The following ME1 variants were observed in gnomAD, a reference collection of about 807,000 sequenced individuals.
The protein encoded by ME1 is malic enzyme 1.
A neutral mutation model predicts 66.4 loss-of-function variants in ME1; 74 were observed. The observed-to-expected ratio is 1.11, with a 90% confidence interval of 0.92 to 1.35. The LOEUF (loss-of-function observed/expected upper bound fraction) is 1.35, where lower values mean the gene tolerates loss of function less well. ME1 is among the 40% of genes most tolerant of loss of function. The pLI, the probability that ME1 is intolerant of heterozygous loss-of-function variation, is 0.00. For synonymous variants in ME1, 251 were observed against 235.6 expected (o/e 1.07, Z -0.60); for missense variants, 750 against 694.1 (o/e 1.08, Z -0.90).
At chr6:83,328,513 T>C (rs533010131) in intron 5 of ME1, among the ~76,000 whole-genome samples, 4 of 152,322 alleles carry the variant, frequency 2.6e-5, no homozygotes, top group African/African-American at 9.6e-5. Flanking sequence ...TTAGTTTTTT[T>C]AATTTCATAA....
chr6:83,221,897 A>G (rs946701662), intron 12 of ME1, among the ~76,000 whole-genome samples: 2 of 152,242 alleles, frequency 1.3e-5, no homozygotes, highest in African/African-American at 4.8e-5. Flanking sequence ...TTGAAGCCTA[A>G]GAGAAAACCA....
At chr6:83,225,016 A>G (rs1790164035) in intron 11 of ME1, among the ~76,000 whole-genome samples, 1 of 151,786 alleles carries the variant, frequency 6.6e-6, no homozygotes, top group South Asian at 2.1e-4. Flanking sequence ...AGCCTGGCCA[A>G]CATGGTGAAA....
At chr6:83,366,502 G>T (rs961644094) in intron 3 of ME1, among the ~76,000 whole-genome samples, 1 of 152,098 alleles carries the variant, frequency 6.6e-6, no homozygotes, top group Non-Finnish European at 1.5e-5. Context: ...GAAGGAAACA[G>T]GGAGAAACAG....
intron 3 of ME1, among the ~76,000 whole-genome samples, chr6:83,353,530 G>A (rs182403822): frequency 6.6e-6 from 1 of 152,046 alleles, no homozygotes; most frequent in African/African-American, 2.4e-5. Flanking sequence ...TTTCTTCAGA[G>A]GTTTCCACTT....
intron 3 of ME1, among the ~76,000 whole-genome samples, chr6:83,365,155 C>T (rs1181448251): frequency 1.3e-5 from 2 of 152,114 alleles, no homozygotes; most frequent in East Asian, 1.9e-4. Context: ...TGCAGCGGCA[C>T]GATGTTGGCT....
intron 7 of ME1, among the ~76,000 whole-genome samples, chr6:83,241,025 A>G (rs1276832593): frequency 6.6e-6 from 1 of 152,162 alleles, no homozygotes; most frequent in Non-Finnish European, 1.5e-5. Context: ...TCTATACATT[A>G]CTTAAGGTGA....
intron 9 of ME1, among the ~76,000 whole-genome samples, chr6:83,232,824 T>A (rs1583330885): frequency 6.6e-6 from 1 of 152,286 alleles, no homozygotes; most frequent in Non-Finnish European, 1.5e-5. Flanking sequence ...ACTACCTTTA[T>A]AACATACAAT....
At chr6:83,314,694 T>C (rs933533516) in intron 6 of ME1, among the ~76,000 whole-genome samples, 4 of 152,220 alleles carry the variant, frequency 2.6e-5, no homozygotes, top group African/African-American at 9.7e-5. Flanking sequence ...TATTTCAAAA[T>C]CTGCATAAAC....
At chr6:83,347,211 C>G (rs932204604) in intron 4 of ME1, among the ~76,000 whole-genome samples, 3 of 152,152 alleles carry the variant, frequency 2.0e-5, no homozygotes, top group Non-Finnish European at 2.9e-5. Context: ...CTCAGCCTTC[C>G]AAAGTGCTGG....
rs1270918124 is a variant in ME1 at position 83,344,707 on chromosome 6, C to T, written c.600+1466G>A. On this transcript the variant is annotated intron_variant, in intron 5 of 13. Coordinates refer to ENST00000369705, the MANE Select transcript of ME1 (RefSeq NM_002395.6). Reference sequence around the variant, plus strand: ...GACCATCCTGGCTAACACGGTGAAACACCCTCTTTACTAAAAATACAAAAA... The same window carrying T: ...GACCATCCTGGCTAACACGGTGAAATACCCTCTTTACTAAAAATACAAAAA... Among the ~76,000 whole-genome samples, 9 of 151,726 alleles carry T rather than the reference C, an allele frequency of 5.9e-5. No homozygotes were observed. In the East Asian group the frequency reaches 1.8e-3, roughly 30 times the overall value.
chr6:83,298,393 C>T (rs1767641959), intron 6 of ME1, among the ~76,000 whole-genome samples: 2 of 151,874 alleles, frequency 1.3e-5, no homozygotes. Context: ...GTCCTTTGCC[C>T]ACTTTTTGAT....
intron 6 of ME1, among the ~76,000 whole-genome samples, chr6:83,276,590 A>G (rs954013051): frequency 6.6e-6 from 1 of 152,224 alleles, no homozygotes; most frequent in African/African-American, 2.4e-5. Context: ...TGCTCCATAC[A>G]ATGAAAACAA....
intron 12 of ME1, among the ~76,000 whole-genome samples, chr6:83,221,390 A>C (rs1002033059): frequency 1.3e-5 from 2 of 152,224 alleles, no homozygotes; most frequent in African/African-American, 4.8e-5. Flanking sequence ...ATCATTGGAG[A>C]ATAATTCTCA....
In ME1 at chr6:83,223,818, C is replaced by T. The variant is rs777067500; in HGVS notation, c.1391G>A (p.Gly464Asp). ...CTGCCTCAATCCACACGCCACAACA[C>T]CAAGAGCAACTCCAGGGAACACATA... ...NSYVFPGVAL[G>D]VVACGLRQIT... is the part of the protein sequence containing the mutation. The change falls in exon 12 of 14, where the codon GGT becomes GAT. Residue 464 changes from glycine to aspartate, a missense_variant. Transcript: ENST00000369705. 1 of 1,613,934 alleles carries T rather than the reference C, an allele frequency of 6.2e-7. No homozygotes were observed.
chr6:83,363,412 G>A (rs1309012050), intron 3 of ME1, among the ~76,000 whole-genome samples: 7 of 152,176 alleles, frequency 4.6e-5, no homozygotes, highest in Non-Finnish European at 7.3e-5. Context: ...CCACAATGGC[G>A]GTAAGGAAGA....
intron 3 of ME1, among the ~76,000 whole-genome samples, chr6:83,386,451 C>T (rs1769504035): frequency 6.6e-6 from 1 of 151,864 alleles, no homozygotes; most frequent in Admixed American, 6.6e-5. Flanking sequence ...TTCTGGTTCA[C>T]CTGGGCAGCT....
Position 83,212,042 on chromosome 6 carries a change from T to C in ME1, c.1601A>G (p.Gln534Arg). The change falls in exon 14 of 14, where the codon CAA (glutamine) becomes CGA (arginine). Residue 534 changes from glutamine to arginine, a missense_variant. Transcript: ENST00000369705. The part of the protein sequence containing the change: ...EKTATVYPEP[Q>R]NKEAFVRSQM... ...GGAGCGGACAAATGCTTCTTTGTTT[T>C]GCGGTTCAGGATAAACTGTGGCTGT... is the stretch of plus-strand genomic sequence containing the variant. 6.2e-7 allele frequency: 1 copy of C among 1,612,972 alleles called. No individual in the cohort carries two copies. The highest frequency in any genetic ancestry group is 1.1e-5 in the South Asian group (1 of 90,964).
At chr6:83,318,031 G>A (rs1206029943) in intron 5 of ME1, among the ~76,000 whole-genome samples, 1 of 152,078 alleles carries the variant, frequency 6.6e-6, no homozygotes, top group Non-Finnish European at 1.5e-5. Context: ...TGACAAACCT[G>A]AGAAAAACAA....
intron 6 of ME1, among the ~76,000 whole-genome samples, chr6:83,311,636 T>C (rs1373603883): frequency 6.6e-6 from 1 of 152,042 alleles, no homozygotes; most frequent in African/African-American, 2.4e-5. Flanking sequence ...ATAAGGAATA[T>C]GCCAATGAGA....
Sources: allele counts gnomAD v4.1 joint callset (sites outside exome capture counted in the v4.1 genomes callset), GRCh38; gene constraint gnomAD v4.1.1; transcripts MANE v1.5; gene names NCBI Gene and HGNC (gene_info 2026-07-23, HGNC 2026-07-21).